The following SHANK2 variants were observed in gnomAD, a reference collection of about 807,000 sequenced individuals.
The protein encoded by SHANK2 is SH3 and multiple ankyrin repeat domains 2.
Under a neutral mutation model 133.7 loss-of-function variants are expected in SHANK2, and 43 were observed. The ratio of observed to expected loss-of-function variants is 0.32; its 90% CI spans 0.25 to 0.41. The LOEUF is 0.41. Among genes scored for constraint, SHANK2 ranks in the 10% least tolerant of loss-of-function variants. The pLI, the probability that SHANK2 is intolerant of heterozygous loss-of-function variation, is 1.00. For missense variants in SHANK2, 1,994 were observed against 2,235.8 expected (o/e 0.89, Z 2.18); for synonymous variants, 1,017 against 952.8 (o/e 1.07, Z -1.24).
chr11:70,623,771 G>A (rs1460061875), intron 17 of SHANK2, among the ~76,000 whole-genome samples: 1 of 152,212 alleles, frequency 6.6e-6, no homozygotes, highest in Admixed American at 6.5e-5. Flanking sequence ...GTGGCCAGTG[G>A]TGCCATATCG....
At chr11:70,767,121 C>G (rs782555661) in intron 14 of SHANK2, among the ~76,000 whole-genome samples, 1 of 152,092 alleles carries the variant, frequency 6.6e-6, no homozygotes, top group Non-Finnish European at 1.5e-5. Flanking sequence ...GGGCGCTGGG[C>G]TTTTGAACTG....
Position 70,754,572 on chromosome 11 carries a change from C to T in SHANK2, c.1777+43871G>A, listed in dbSNP as rs57210846. On this transcript the variant is annotated intron_variant, in intron 14 of 25. Coordinates refer to ENST00000601538, the MANE Select transcript of SHANK2 (RefSeq NM_012309.5). ...TTCTACATAGGTGACAGCCTCCCCC[C>T]GGTGAGCTCGAGCAGAGCCCAGCCT... Among the ~76,000 whole-genome samples the T allele has an allele frequency of 9.9e-3, 1,505 of 152,312 alleles. 51 individuals carry two copies. Among genetic ancestry groups the T allele is most frequent in the Admixed American group, 0.066 (1,005 of 15,300 alleles).
At chr11:70,758,245 G>A (rs187048262) in intron 14 of SHANK2, among the ~76,000 whole-genome samples, 100 of 152,282 alleles carry the variant, frequency 6.6e-4, no homozygotes, top group African/African-American at 2.1e-3. Flanking sequence ...GTCCCCTCCC[G>A]TTGTATGGGA....
chr11:70,606,028 C>T (rs75540799), intron 17 of SHANK2, among the ~76,000 whole-genome samples: 2 of 152,134 alleles, frequency 1.3e-5, no homozygotes, highest in Admixed American at 1.3e-4. Context: ...ATCCGAGGGT[C>T]GGGCTCCCCA....
At chr11:71,206,234 G>A (rs868973943) in intron 2 of SHANK2, among the ~76,000 whole-genome samples, 1 of 152,174 alleles carries the variant, frequency 6.6e-6, no homozygotes, top group Non-Finnish European at 1.5e-5. Context: ...CACACACACA[G>A]AGCGACTCCA....
At chr11:70,664,221 C>T (rs1474998538) in intron 15 of SHANK2, among the ~76,000 whole-genome samples, 1 of 152,176 alleles carries the variant, frequency 6.6e-6, no homozygotes, top group Non-Finnish European at 1.5e-5. Flanking sequence ...GACTTGTGTC[C>T]CTCATGGGAA....
chr11:70,723,187 C>T (rs1053289144), intron 14 of SHANK2, among the ~76,000 whole-genome samples: 2 of 152,308 alleles, frequency 1.3e-5, no homozygotes, highest in East Asian at 3.9e-4. Flanking sequence ...CTCAGACTTG[C>T]TTCTTCCAAG....
chr11:71,109,923 C>T lies in SHANK2; in HGVS notation c.592+18G>A, dbSNP rs1555098783. ...GCTTCCGTAAAGCCTGGTAAGGTCC[C>T]CTCTAGCAAGTGCTCACCTCCGGTC... On this transcript the variant is annotated intron_variant, in intron 6 of 25. Coordinates refer to ENST00000601538, the MANE Select transcript of SHANK2 (RefSeq NM_012309.5). 6.7e-7 allele frequency: 1 copy of T among 1,494,154 alleles called. No individual in the cohort carries two copies. Among genetic ancestry groups the T allele is most frequent in the South Asian group, 1.2e-5 (1 of 82,930 alleles). The allele number at this position is 1,494,154 out of a possible 1,614,324, so 92.6% of individuals were successfully genotyped here. A position where few individuals can be genotyped will look rare whatever the true frequency, so the allele number is the denominator to read the frequency against.
chr11:71,148,235 C>A (rs1198551565), intron 2 of SHANK2, among the ~76,000 whole-genome samples: 2 of 152,212 alleles, frequency 1.3e-5, no homozygotes, highest in Non-Finnish European at 2.9e-5. Context: ...CAGGCATGCG[C>A]CACTACACCC....
intron 3 of SHANK2, among the ~76,000 whole-genome samples, chr11:71,121,028 G>A (rs145481521): frequency 3.1e-3 from 470 of 152,332 alleles, no homozygotes; most frequent in Non-Finnish European, 4.6e-3. Context: ...TGTGCAGCAC[G>A]GGGGCCAACC....
At chr11:70,831,161 A>T (rs113115407) in intron 11 of SHANK2, among the ~76,000 whole-genome samples, 58 of 152,126 alleles carry the variant, frequency 3.8e-4, no homozygotes, top group African/African-American at 1.1e-3. Flanking sequence ...GAAGCTATCC[A>T]CCTGCCTGCC....
chr11:70,826,859 C>A, intron 11 of SHANK2: 1 of 203,852 alleles, frequency 4.9e-6, no homozygotes, highest in South Asian at 9.2e-5. Flanking sequence ...CAGGCGTCCT[C>A]GAGCTGGCAG....
At chr11:71,070,070 G>A (rs971175824) in intron 9 of SHANK2, among the ~76,000 whole-genome samples, 1 of 152,190 alleles carries the variant, frequency 6.6e-6, no homozygotes, top group African/African-American at 2.4e-5. Context: ...AGTACAACAC[G>A]CAGTGCCTGC....
chr11:70,553,382 C>T (rs1262119227), intron 17 of SHANK2, among the ~76,000 whole-genome samples: 5 of 152,174 alleles, frequency 3.3e-5, no homozygotes, highest in African/African-American at 9.7e-5. Context: ...CGTGAGCCAC[C>T]GTGCCCGGCC....
intron 11 of SHANK2, among the ~76,000 whole-genome samples, chr11:70,855,911 A>C (rs1433881267): frequency 2.0e-5 from 3 of 152,198 alleles, no homozygotes; most frequent in African/African-American, 7.2e-5. Context: ...GAATGGATAA[A>C]GAGATGGATG....
intron 10 of SHANK2, among the ~76,000 whole-genome samples, chr11:70,938,066 A>G (rs1555083722): frequency 6.6e-6 from 1 of 152,168 alleles, no homozygotes; most frequent in Non-Finnish European, 1.5e-5. Context: ...CCCTAGGAGC[A>G]GAGGGCTCTT....
At chr11:70,862,323 C>T (rs542945039) in intron 11 of SHANK2, among the ~76,000 whole-genome samples, 3 of 152,178 alleles carry the variant, frequency 2.0e-5, no homozygotes, top group African/African-American at 7.2e-5. Flanking sequence ...TCTTCGAGCT[C>T]CTGGGGTGGA....
intron 2 of SHANK2, among the ~76,000 whole-genome samples, chr11:71,178,596 T>G (rs1953489718): frequency 6.6e-6 from 1 of 152,162 alleles, no homozygotes; most frequent in Non-Finnish European, 1.5e-5. Context: ...GCTATGCACA[T>G]TTTACAACAA....
At chr11:70,649,201 C>T (rs1310642776) in intron 17 of SHANK2, among the ~76,000 whole-genome samples, 2 of 152,198 alleles carry the variant, frequency 1.3e-5, no homozygotes, top group Admixed American at 6.5e-5. Flanking sequence ...TGCCCAGGAC[C>T]GTCCCTGTCT....
Sources: gnomAD v4.1 joint callset for allele counts (sites outside exome capture counted in the v4.1 genomes callset) on GRCh38, gnomAD v4.1.1 for gene constraint, MANE v1.5 for transcripts, NCBI Gene and HGNC (gene_info 2026-07-23, HGNC 2026-07-21) for gene names.